Variants in DMD observed in about 807,000 individuals in gnomAD.
DMD encodes the protein dystrophin, also known as mutant dystrophin.
Under a neutral mutation model 330.1 loss-of-function variants are expected in DMD, and 63 were observed. The ratio of observed to expected loss-of-function variants is 0.19; its 90% CI spans 0.16 to 0.24. The LOEUF (loss-of-function observed/expected upper bound fraction) is 0.24, where lower values mean the gene tolerates loss of function less well. DMD is among the 10% of genes least tolerant of loss of function. The pLI is 1.00. For synonymous variants in DMD, 1,223 were observed against 959.8 expected, an observed-to-expected ratio of 1.27 and a Z score of -5.07; for missense variants, 3,344 against 2,684.1, an observed-to-expected ratio of 1.25 and a Z score of -5.43.
chrX:31,622,166 G>A (rs1398060010), intron 55 of DMD, among the ~76,000 whole-genome samples: 1 of 111,388 alleles, frequency 9.0e-6, no homozygotes, highest in African/African-American at 3.3e-5. Context: ...TTCTCATAAT[G>A]CTATTATAAT....
intron 6 of DMD, among the ~76,000 whole-genome samples, chrX:32,813,427 G>A (rs767588469): frequency 1.8e-5 from 2 of 111,187 alleles, no homozygotes; most frequent in Non-Finnish European, 3.8e-5. Flanking sequence ...CCACATGTTA[G>A]CCAAACAGTT....
intron 1 of DMD, among the ~76,000 whole-genome samples, chrX:33,088,636 C>T (rs7066736): frequency 9.0e-6 from 1 of 110,917 alleles, no homozygotes; most frequent in African/African-American, 3.3e-5. Context: ...AGTGAGCCGA[C>T]ATCGCGCCAC....
At chrX:31,899,806 A>G (rs780996280) in intron 47 of DMD, among the ~76,000 whole-genome samples, 1 of 111,284 alleles carries the variant, frequency 9.0e-6, no homozygotes, top group Non-Finnish European at 1.9e-5. Flanking sequence ...TAAGTTTGTA[A>G]TGGAGTCGCG....
chrX:32,192,793 C>T (rs1787455850), intron 44 of DMD, among the ~76,000 whole-genome samples: 1 of 111,525 alleles, frequency 9.0e-6, no homozygotes, highest in African/African-American at 3.3e-5. Context: ...GCAGGCTGTT[C>T]TCGGAATGGA....
intron 20 of DMD, among the ~76,000 whole-genome samples, chrX:32,485,731 C>T (rs1603634622): frequency 2.6e-5 from 1 of 38,970 alleles, no homozygotes; most frequent in African/African-American, 5.9e-5. Flanking sequence ...CAGGCAACCA[C>T]TGCTTTTTTT....
intron 37 of DMD, among the ~76,000 whole-genome samples, chrX:32,360,738 G>A (rs1188727012): frequency 2.8e-5 from 3 of 108,048 alleles, no homozygotes; most frequent in Non-Finnish European, 5.7e-5. Context: ...AGTGAGCTGA[G>A]GTTATGCCAC....
intron 26 of DMD, among the ~76,000 whole-genome samples, chrX:32,452,495 GGAAA>G (rs1410058053): frequency 5.9e-5 from 2 of 34,054 alleles, no homozygotes; most frequent in African/African-American, 8.1e-5. Flanking sequence ...GGAAAGGAAA[GGAAA>G]GGAAAGGAAA....
At chrX:31,726,735 C>A (rs1324245024) in intron 52 of DMD, among the ~76,000 whole-genome samples, 5 of 111,620 alleles carry the variant, frequency 4.5e-5, no homozygotes, top group Non-Finnish European at 9.4e-5. Flanking sequence ...ATCCTGGTAC[C>A]ATTTAGAGGC....
At chrX:31,352,288 A>G (rs1174184545) in intron 60 of DMD, among the ~76,000 whole-genome samples, 1 of 111,393 alleles carries the variant, frequency 9.0e-6, no homozygotes, top group Non-Finnish European at 1.9e-5. Flanking sequence ...TTCTAAATTT[A>G]GAATGGGTCA....
At position 31,836,912 on chromosome X, in the gene DMD, T is replaced by G. The variant is rs1250019031; in HGVS notation, c.7099-93A>C. The G allele has an allele frequency of 4.0e-6, 3 of 749,865 alleles. No homozygotes were observed. The African/African-American group carries it at 6.3e-5, about 16-fold the overall frequency. 61.8% of individuals were successfully genotyped at this position (749,865 alleles called of 1,213,427 possible). ...ATACCCTTGGAGACTCCACATGTAT[T>G]GCAGATCAATTTCTGCCTGGTACAT... On this transcript the variant is annotated intron_variant, in intron 48 of 78. Coordinates refer to ENST00000357033, the MANE Select transcript of DMD (RefSeq NM_004006.3).
chrX:32,678,851 T>C (rs142191299), intron 9 of DMD, among the ~76,000 whole-genome samples: 1 of 111,602 alleles, frequency 9.0e-6, no homozygotes, highest in African/African-American at 3.3e-5. Context: ...GACTCCCTCC[T>C]TACAACTTTG....
At chrX:33,330,114 G>A (rs891590833) in intron 1 of DMD, among the ~76,000 whole-genome samples, 3 of 110,611 alleles carry the variant, frequency 2.7e-5, no homozygotes, top group Non-Finnish European at 3.8e-5. Flanking sequence ...TCAGAAGAAG[G>A]GAGAGAGAAA....
intron 32 of DMD, among the ~76,000 whole-genome samples, chrX:32,388,226 A>G (rs2097973246): frequency 1.8e-5 from 2 of 110,546 alleles, no homozygotes; most frequent in Non-Finnish European, 3.8e-5. Flanking sequence ...GCTCATATTT[A>G]CTGTTGGATA....
At chrX:31,690,353 A>T (rs1429303519) in intron 52 of DMD, among the ~76,000 whole-genome samples, 2 of 111,367 alleles carry the variant, frequency 1.8e-5, no homozygotes, top group Non-Finnish European at 3.8e-5. Context: ...ATGCAGCCAA[A>T]AGACACATGA....
At chrX:33,223,628 A>G (rs771163810) in intron 1 of DMD, among the ~76,000 whole-genome samples, 1 of 112,502 alleles carries the variant, frequency 8.9e-6, no homozygotes, top group African/African-American at 3.2e-5. Flanking sequence ...AAAACTATAA[A>G]GCCCACAGAA....
intron 25 of DMD, among the ~76,000 whole-genome samples, chrX:32,461,317 T>G (rs766222356): frequency 1.8e-5 from 2 of 111,259 alleles, no homozygotes; most frequent in South Asian, 3.7e-4. Context: ...CCGCATCGTC[T>G]TCTTCTTCTC....
chrX:31,604,785 G>C (rs1311636618), intron 55 of DMD, among the ~76,000 whole-genome samples: 1 of 111,611 alleles, frequency 9.0e-6, no homozygotes, highest in Non-Finnish European at 1.9e-5. Context: ...CAGCTCAGTG[G>C]TTATCATCAA....
chrX:32,699,025 A>T (rs988923836), intron 8 of DMD, 87 bp downstream of exon 8: 6 of 787,346 alleles, frequency 7.6e-6, no homozygotes, highest in Non-Finnish European at 1.2e-5. Flanking sequence ...TATACATATA[A>T]GTTATATATA....
At chrX:31,133,889 T>G (rs780547773) in intron 77 of DMD, among the ~76,000 whole-genome samples, 1 of 112,634 alleles carries the variant, frequency 8.9e-6, no homozygotes, top group South Asian at 3.7e-4. Context: ...TATTCTTATT[T>G]TTGGAAACAT....
Sources: allele counts gnomAD v4.1 joint callset (sites outside exome capture counted in the v4.1 genomes callset), GRCh38; gene constraint gnomAD v4.1.1; transcripts MANE v1.5; gene names NCBI Gene and HGNC (gene_info 2026-07-23, HGNC 2026-07-21).